LAMP1: variants seen among roughly 807,000 people sequenced by gnomAD.
The protein encoded by LAMP1 is lysosome associated membrane protein 1, also known as lysosome-associated membrane glycoprotein 1.
LAMP1 carries 7 observed loss-of-function variants against 37.5 expected under a neutral mutation model. That is an observed-to-expected ratio of 0.19 (90% confidence interval 0.11 to 0.35). The LOEUF (loss-of-function observed/expected upper bound fraction) is 0.35, where lower values mean the gene tolerates loss of function less well. LAMP1 is among the 10% of genes least tolerant of loss of function. LAMP1 has a pLI of 1.00. For missense variants in LAMP1, 537 were observed against 552.8 expected, an observed-to-expected ratio of 0.97 and a Z score of 0.29; for synonymous variants, 236 against 229.1, an observed-to-expected ratio of 1.03 and a Z score of -0.27.
At position 113,320,402 on chromosome 13, in the gene LAMP1, G is replaced by A. The variant is rs764500535; in HGVS notation, c.808G>A (p.Gly270Ser). The A allele has an allele frequency of 2.8e-5, 45 of 1,613,052 alleles. No individual in the cohort carries two copies. In the Middle Eastern group the frequency reaches 1.3e-3, roughly 47 times the overall value. The change falls in exon 6 of 9, where the codon GGC becomes AGC. Residue 270 changes from glycine to serine, a missense_variant. Transcript: ENST00000332556. The surrounding 1 kb of genome is among the most constrained non-coding windows in gnomAD (Gnocchi z 4.4). ...PNKTSASGSC[G>S]AHLVTLELHS... is the part of the protein sequence containing the mutation. The stretch of plus-strand genomic sequence containing the variant: ...CAAGACCTCGGCCAGCGGGAGCTGC[G>A]GCGCCCACCTGGTGACTCTGGAGCT...
intron 4 of LAMP1, among the ~76,000 whole-genome samples, chr13:113,312,813 T>C (rs2042637598): frequency 6.6e-6 from 1 of 152,144 alleles, no homozygotes; most frequent in Non-Finnish European, 1.5e-5. Context: ...GTGTTCATGC[T>C]CTCAGACACA....
intron 1 of LAMP1, among the ~76,000 whole-genome samples, chr13:113,302,549 C>T (rs1566397305): frequency 6.6e-6 from 1 of 152,114 alleles, no homozygotes. Context: ...TCTTTAATGT[C>T]AAAAGCGAGT....
intron 4 of LAMP1, among the ~76,000 whole-genome samples, chr13:113,311,837 G>A (rs1255944525): frequency 1.3e-5 from 2 of 152,200 alleles, no homozygotes; most frequent in Admixed American, 1.3e-4. Context: ...CAAGCACCTG[G>A]TAAATCCTGT....
rs1295048290 is a variant in LAMP1, at chr13:113,297,300, C to T, written c.-135C>T. The T allele has an allele frequency of 5.6e-6, 1 of 178,614 alleles. No homozygotes were observed. The highest frequency in any genetic ancestry group is 6.2e-5 in the Admixed American group (1 of 16,132). The allele number at this position is 178,614 out of a possible 1,614,324, so 11.1% of individuals were successfully genotyped here. A position where few individuals can be genotyped will look rare whatever the true frequency, so the allele number is the denominator to read the frequency against. On this transcript the variant is annotated 5_prime_UTR_variant, in exon 1 of 9. Transcript: ENST00000332556. This position sits in a 1 kb window ranked among gnomAD's most constrained non-coding sequence, Gnocchi z 4.4. ...TGCCGGCGTCGCAGTGGCCGGGCCTCTTGCGTCTGGTAACGCCGCTGTCTC... is the reference window on the plus strand; with the variant it reads ...TGCCGGCGTCGCAGTGGCCGGGCCTTTTGCGTCTGGTAACGCCGCTGTCTC...
Position 113,297,346 on chromosome 13 carries a change from C to T in LAMP1, c.-89C>T. 1 of 234,408 alleles carries T rather than the reference C, an allele frequency of 4.3e-6. No homozygotes were observed. Among genetic ancestry groups the T allele is most frequent in the Non-Finnish European group, 7.6e-6 (1 of 131,872 alleles). The allele number at this position is 234,408 out of a possible 1,614,324, so 14.5% of individuals were successfully genotyped here. ...GTCTCTAACGCCAGCCCTTGGCGCC[C>T]GCGCCCCGCCACCGCAGCGCCCGGC... On this transcript the variant is annotated 5_prime_UTR_variant, in exon 1 of 9. Coordinates refer to ENST00000332556, the MANE Select transcript of LAMP1 (RefSeq NM_005561.4). The surrounding 1 kb of genome is among the most constrained non-coding windows in gnomAD (Gnocchi z 4.4).
At chr13:113,318,955 G>T (rs3829393) in intron 4 of LAMP1, among the ~76,000 whole-genome samples, 3 of 152,228 alleles carry the variant, frequency 2.0e-5, no homozygotes, top group Non-Finnish European at 4.4e-5. Flanking sequence ...GTGTGCTGCA[G>T]ACCCTCTGTT....
Position 113,321,638 on chromosome 13 carries a change from A to T in LAMP1, c.1025A>T (p.Glu342Val), listed in dbSNP as rs762855305. 1.2e-6 allele frequency: 2 copies of T among 1,614,152 alleles called. No homozygotes were observed. The highest frequency in any genetic ancestry group is 2.2e-5 in the South Asian group (2 of 91,082). Reference sequence around the variant, plus strand: ...AATTCCTACAAGTGCAACGCGGAGGAGCACGTCCGTGTCACGAAGGCGTTT... The same window carrying T: ...AATTCCTACAAGTGCAACGCGGAGGTGCACGTCCGTGTCACGAAGGCGTTT... ...VGNSYKCNAE[E>V]HVRVTKAFSV... The change falls in exon 8 of 9, where the codon GAG becomes GTG. Residue 342 changes from glutamate to valine, a missense_variant. Coordinates refer to ENST00000332556, the MANE Select transcript of LAMP1 (RefSeq NM_005561.4). The surrounding 1 kb of genome is among the most constrained non-coding windows in gnomAD (Gnocchi z 5.6).
chr13:113,312,626 G>A (rs2042636427), intron 4 of LAMP1, among the ~76,000 whole-genome samples: 1 of 152,216 alleles, frequency 6.6e-6, no homozygotes, highest in African/African-American at 2.4e-5. Context: ...TGTAGGTGCT[G>A]CTGCCTTTAA....
chr13:113,315,931 C>T (rs763303773), intron 4 of LAMP1, among the ~76,000 whole-genome samples: 1 of 151,920 alleles, frequency 6.6e-6, no homozygotes, highest in Admixed American at 6.5e-5. Flanking sequence ...GGCGAAAACC[C>T]GTCTCTACTA....
chr13:113,320,537 G>C lies in LAMP1; in HGVS notation c.876+67G>C, dbSNP rs2042692629. The C allele has an allele frequency of 6.4e-7, 1 of 1,561,740 alleles. No homozygotes were observed. Among genetic ancestry groups the C allele is most frequent in the South Asian group, 1.1e-5 (1 of 89,716 alleles). ...CTCCACCACATCTTTTTGTGCCCTG[G>C]GTCTGCTCATGGGAGGCAGCGTTAG... On this transcript the variant is annotated intron_variant, in intron 6 of 8. Coordinates refer to ENST00000332556, the MANE Select transcript of LAMP1 (RefSeq NM_005561.4). This position sits in a 1 kb window ranked among gnomAD's most constrained non-coding sequence, Gnocchi z 4.4.
intron 3 of LAMP1, among the ~76,000 whole-genome samples, chr13:113,310,395 G>A (rs542681968): frequency 1.4e-4 from 22 of 152,022 alleles, no homozygotes; most frequent in East Asian, 1.4e-3. Flanking sequence ...GCGTGGTGGC[G>A]CGCGCCTGTA....
intron 1 of LAMP1, among the ~76,000 whole-genome samples, chr13:113,298,754 C>T (rs2042555611): frequency 6.6e-6 from 1 of 152,240 alleles, no homozygotes; most frequent in Non-Finnish European, 1.5e-5. Flanking sequence ...AAAGGAGTTG[C>T]AGAAACAAGT....
At chr13:113,310,890 T>C (rs766301171) in intron 4 of LAMP1, 23 bp downstream of exon 4, 1 of 1,604,440 alleles carries the variant, frequency 6.2e-7, no homozygotes, top group East Asian at 2.2e-5. Context: ...CCCTTGGCCC[T>C]CTGGTGCTAG....
chr13:113,322,463 C>T lies in LAMP1; in HGVS notation c.*42C>T. 6.4e-7 allele frequency: 1 copy of T among 1,568,090 alleles called. No homozygotes were observed. Among genetic ancestry groups the T allele is most frequent in the Non-Finnish European group, 8.7e-7 (1 of 1,151,236 alleles). On this transcript the variant is annotated 3_prime_UTR_variant, in exon 9 of 9. Coordinates refer to ENST00000332556, the MANE Select transcript of LAMP1 (RefSeq NM_005561.4). ...ACAGCAGCTGCAGGGGCCTCTGTTC[C>T]TTTCTCTGGGCTTAGGGTCCTGTCG...
intron 4 of LAMP1, among the ~76,000 whole-genome samples, chr13:113,314,223 G>A (rs1272814542): frequency 6.9e-5 from 8 of 116,044 alleles, no homozygotes; most frequent in East Asian, 3.1e-4. Context: ...GTGGCCTCCT[G>A]GAGGGAACCA....
At position 113,309,667 on chromosome 13, in the gene LAMP1, G is replaced by C; in HGVS notation, c.208G>C (p.Asp70His). The C allele has an allele frequency of 6.2e-7, 1 of 1,613,766 alleles. No homozygotes were observed. Among genetic ancestry groups the C allele is most frequent in the African/African-American group, 1.3e-5 (1 of 75,028 alleles). Residue 70 changes from aspartate to histidine, a missense_variant, in exon 3 of 9, where the codon GAT becomes CAT. Asp to His is a moderately conservative substitution (Grantham distance 81). Transcript: ENST00000332556. ...PKNMTFDLPS[D>H]ATVVLNRSSC... Reference sequence around the variant, plus strand: ...GAACATGACCTTTGACCTGCCATCAGATGCCACAGTGGTGCTCAACCGCAG... The same window carrying C: ...GAACATGACCTTTGACCTGCCATCACATGCCACAGTGGTGCTCAACCGCAG...
chr13:113,304,510 A>C (rs1324068559), intron 1 of LAMP1, among the ~76,000 whole-genome samples: 1 of 152,154 alleles, frequency 6.6e-6, no homozygotes, highest in East Asian at 1.9e-4. Context: ...TCTTCCCTAG[A>C]TTCTCTAGAT....
rs1027978908 is a variant in LAMP1 at position 113,297,667 on chromosome 13, G to A, written c.61+172G>A. ...CGGGTGTTTCTCTCGGGGTCGTAGG[G>A]TCGGAGCGGAGCTCAATGGCAGGTG... On this transcript the variant is annotated intron_variant, in intron 1 of 8. Transcript: ENST00000332556. This position sits in a 1 kb window ranked among gnomAD's most constrained non-coding sequence, Gnocchi z 4.4. Among the ~76,000 whole-genome samples, 2 of 152,226 alleles carry A rather than the reference G, an allele frequency of 1.3e-5. No homozygotes were observed. Among genetic ancestry groups the A allele is most frequent in the African/African-American group, 4.8e-5 (2 of 41,470 alleles).
Position 113,322,347 on chromosome 13 carries a change from G to A in LAMP1, c.1180G>A (p.Gly394Arg). Residue 394 changes from glycine to arginine, a missense_variant, in exon 9 of 9, where the codon GGG becomes AGG. Gly to Arg is a moderately radical substitution (Grantham distance 125). Coordinates refer to ENST00000332556, the MANE Select transcript of LAMP1 (RefSeq NM_005561.4). ...CATCGCTGTGGGTGGTGCCCTGGCG[G>A]GGCTGGTCCTCATCGTCCTCATCGC... ...IPIAVGGALA[G>R]LVLIVLIAYL... 1 of 1,607,044 alleles carries A rather than the reference G, an allele frequency of 6.2e-7. No individual in the cohort carries two copies. Among genetic ancestry groups the A allele is most frequent in the Non-Finnish European group, 8.5e-7 (1 of 1,176,610 alleles).
Sources: allele counts gnomAD v4.1 joint callset (sites outside exome capture counted in the v4.1 genomes callset), GRCh38; gene constraint gnomAD v4.1.1; non-coding constraint Gnocchi (gnomAD v3.1); transcripts MANE v1.5; gene names NCBI Gene and HGNC (gene_info 2026-07-23, HGNC 2026-07-21).